Variants in SMARCD1 observed in about 807,000 individuals in gnomAD.
SMARCD1 encodes SWI/SNF related BAF chromatin remodeling complex subunit D1.
In SMARCD1, 16 loss-of-function variants were observed where a neutral mutation model predicts 70.8. The observed-to-expected ratio is 0.23, with a 90% CI of 0.15 to 0.34. The LOEUF (loss-of-function observed/expected upper bound fraction) is 0.34. SMARCD1 is among the 10% of genes least tolerant of loss of function. The pLI, the probability that SMARCD1 is intolerant of heterozygous loss-of-function variation, is 1.00. For missense variants in SMARCD1, 409 were observed against 655.5 expected (o/e 0.62, Z 4.11); for synonymous variants, 249 against 246.0 (o/e 1.01, Z -0.11).
At chr12:50,097,010 A>G in intron 11 of SMARCD1, 38 bp downstream of exon 11, 1 of 1,573,492 alleles carries the variant, frequency 6.4e-7, no homozygotes, top group Middle Eastern at 1.8e-4. Flanking sequence ...GACTTAGGTC[A>G]GTGAGGTGCA....
intron 10 of SMARCD1, among the ~76,000 whole-genome samples, chr12:50,095,782 C>T (rs888573376): frequency 3.9e-5 from 6 of 152,076 alleles, no homozygotes; most frequent in East Asian, 3.9e-4. Context: ...TAAAGAAGTA[C>T]GAGCCATTTA....
intron 5 of SMARCD1, chr12:50,088,164 T>C (rs920785107): frequency 4.4e-6 from 3 of 680,816 alleles, no homozygotes; most frequent in Non-Finnish European, 8.1e-6. Context: ...AAGCTGTTTT[T>C]GTTCTGGCTG....
intron 4 of SMARCD1, 120 bp downstream of exon 4, chr12:50,086,998 C>T: frequency 9.8e-7 from 1 of 1,018,222 alleles, no homozygotes; most frequent in South Asian, 1.5e-5. Flanking sequence ...TTGCATCTCT[C>T]CCTTCCGCCT....
intron 11 of SMARCD1, 67 bp from the exon 12 acceptor site, chr12:50,098,647 G>A (rs1950913084): frequency 2.4e-6 from 3 of 1,249,438 alleles, no homozygotes; most frequent in Non-Finnish European, 3.5e-6. Flanking sequence ...CCAATAATGG[G>A]TGTGAAGGAA....
At chr12:50,094,288 AGT>A in intron 9 of SMARCD1, 147 bp from the exon 10 acceptor site, 2 of 686,792 alleles carry the variant, frequency 2.9e-6, no homozygotes, top group Non-Finnish European at 4.9e-6. Context: ...GCCACAATAA[AGT>A]GTAGAACATT....
intron 1 of SMARCD1, chr12:50,085,777 G>A: frequency 2.5e-6 from 1 of 405,036 alleles, no homozygotes; most frequent in Non-Finnish European, 4.3e-6. Flanking sequence ...GGGTGAAGTG[G>A]GTCCAGGGAT....
chr12:50,097,974 G>A (rs1950907908), intron 11 of SMARCD1, among the ~76,000 whole-genome samples: 1 of 151,206 alleles, frequency 6.6e-6, no homozygotes, highest in Non-Finnish European at 1.5e-5. Context: ...AGTGAGACTA[G>A]AATCTCTGGG....
Position 50,090,603 on chromosome 12 carries a change from G to T in SMARCD1, c.1133+13G>T. On this transcript the variant is annotated intron_variant, in intron 9 of 12. Coordinates refer to ENST00000394963, the MANE Select transcript of SMARCD1 (RefSeq NM_003076.5). ...ATCATGTCATCAGGTAGGCCTGTGT[G>T]TGGGAGGCAGTGCTGTGCCGGAGCT... The T allele has an allele frequency of 6.3e-7, 1 of 1,590,210 alleles. No homozygotes were observed. Among genetic ancestry groups the T allele is most frequent in the Non-Finnish European group, 8.6e-7 (1 of 1,158,256 alleles).
In SMARCD1 at chr12:50,099,301, T is replaced by A; in HGVS notation, c.*301T>A. ...AGAACATGTAGTGGTAATGAGTGCTTGGAATGGATTGGGCCTCAGGCCAGG... is the reference window on the plus strand; with the variant it reads ...AGAACATGTAGTGGTAATGAGTGCTAGGAATGGATTGGGCCTCAGGCCAGG... On this transcript the variant is annotated 3_prime_UTR_variant, in exon 13 of 13. Transcript: ENST00000394963. 1 of 537,062 alleles carries A rather than the reference T, an allele frequency of 1.9e-6. No homozygotes were observed. Among genetic ancestry groups the A allele is most frequent in the East Asian group, 2.9e-5 (1 of 34,274 alleles). The allele number at this position is 537,062 out of a possible 1,614,324, so 33.3% of individuals were successfully genotyped here.
chr12:50,100,173 ATTC>A lies in SMARCD1; in HGVS notation c.*1180_*1182del, dbSNP rs961654528. The A allele has an allele frequency of 9.8e-5, 15 of 152,544 alleles. No homozygotes were observed. Among genetic ancestry groups the A allele is most frequent in the African/African-American group, 3.6e-4 (15 of 41,400 alleles). 9.4% of individuals were successfully genotyped at this position (152,544 alleles called of 1,614,324 possible). On this transcript the variant is annotated 3_prime_UTR_variant, in exon 13 of 13. Transcript: ENST00000394963. The stretch of plus-strand genomic sequence containing the variant: ...TTGCATCTTTCCAGGAGAGCCTCAC[ATTC>A]TTCTTCCAGGTTGTATCACCCCCGA...
At chr12:50,088,168 C>A in intron 5 of SMARCD1, 1 of 681,402 alleles carries the variant, frequency 1.5e-6, no homozygotes, top group South Asian at 1.5e-5. Context: ...TGTTTTTGTT[C>A]TGGCTGCTTA....
At chr12:50,086,389 T>C in intron 2 of SMARCD1, 41 bp downstream of exon 2, 1 of 1,420,144 alleles carries the variant, frequency 7.0e-7, no homozygotes, top group Non-Finnish European at 9.7e-7. Flanking sequence ...GGAGGGAGCC[T>C]GGGAGGACAC....
At chr12:50,087,625 C>A in intron 5 of SMARCD1, 140 bp downstream of exon 5, 1 of 1,009,578 alleles carries the variant, frequency 9.9e-7, no homozygotes, top group Non-Finnish European at 1.5e-6. Context: ...GTTCCCTGCA[C>A]TGAAAGACAG....
At chr12:50,086,541 A>G in intron 2 of SMARCD1, 80 bp from the exon 3 acceptor site, 1 of 1,428,564 alleles carries the variant, frequency 7.0e-7, no homozygotes, top group East Asian at 2.3e-5. Context: ...TCACATTACT[A>G]TAAATGGACG....
intron 4 of SMARCD1, 79 bp downstream of exon 4, chr12:50,086,957 A>AG (rs1296708886): frequency 7.0e-7 from 1 of 1,435,032 alleles, no homozygotes; most frequent in African/African-American, 1.4e-5. Context: ...GAGAAATCAA[A>AG]GGCACAGCAC....
intron 6 of SMARCD1, chr12:50,089,285 G>A (rs1482148642): frequency 6.6e-6 from 1 of 152,384 alleles, no homozygotes; most frequent in Non-Finnish European, 1.5e-5. Flanking sequence ...AAGAGACATG[G>A]GGAGGTCTTT....
At chr12:50,092,235 CTT>C (rs60619880) in intron 9 of SMARCD1, among the ~76,000 whole-genome samples, 18 of 91,144 alleles carry the variant, frequency 2.0e-4, no homozygotes, top group Non-Finnish European at 3.2e-4. Flanking sequence ...TTCTTTCTTT[CTT>C]TTTTTTTTTT....
chr12:50,088,347 T>A (rs781014555), intron 5 of SMARCD1, 174 bp from the exon 6 acceptor site: 25 of 695,552 alleles, frequency 3.6e-5, no homozygotes, highest in Non-Finnish European at 5.8e-5. Context: ...CTGTTGCTAC[T>A]ATGATTGGTT....
chr12:50,095,749 A>AAG (rs1192497987), intron 10 of SMARCD1, among the ~76,000 whole-genome samples: 2 of 152,116 alleles, frequency 1.3e-5, no homozygotes, highest in African/African-American at 4.8e-5. Context: ...AGGTCCAGAG[A>AAG]AGAGAGAGAG....
Sources: allele counts gnomAD v4.1 joint callset (sites outside exome capture counted in the v4.1 genomes callset), GRCh38; gene constraint gnomAD v4.1.1; transcripts MANE v1.5; gene names NCBI Gene and HGNC (gene_info 2026-07-23, HGNC 2026-07-21).